The following ARAP3 variants were observed in gnomAD, a reference collection of about 807,000 sequenced individuals.
ARAP3 encodes ArfGAP with RhoGAP domain, ankyrin repeat and PH domain 3, also known as arf-GAP with Rho-GAP domain, ANK repeat and PH domain-containing protein 3.
ARAP3 carries 82 observed loss-of-function variants against 169.2 expected under a neutral mutation model. That is an observed-to-expected ratio of 0.48 (90% confidence interval 0.41 to 0.58). ARAP3 has a LOEUF of 0.58. Ranked by LOEUF, ARAP3 falls within the 20% of genes least tolerant of loss-of-function variation. The pLI is 0.00. For missense variants in ARAP3, 1,764 were observed against 2,018.0 expected, an observed-to-expected ratio of 0.87 and a Z score of 2.41; for synonymous variants, 791 against 800.3, an observed-to-expected ratio of 0.99 and a Z score of 0.20.
chr5:141,658,633 G>A lies in ARAP3; in HGVS notation c.3357C>T (p.Leu1119=). The change falls in exon 24 of 33, where the codon CTC becomes CTT. Residue 1119 remains leucine, a synonymous_variant. Transcript: ENST00000239440. ...KDVQLSQAGD[L]IMEVYIEQQL... is the part of the protein sequence containing the mutation. ...GCTGCTCTATATAAACTTCCATGAT[G>A]AGGTCTCCAGCCTGAGACAGCTGAG... 1 of 1,600,960 alleles carries A rather than the reference G, an allele frequency of 6.2e-7. No homozygotes were observed. The highest frequency in any genetic ancestry group is 1.8e-5 in the Admixed American group (1 of 55,166).
Position 141,662,221 on chromosome 5 carries a change from G to A in ARAP3, c.2835C>T (p.Gly945=), listed in dbSNP as rs1254382266. 5 of 1,614,156 alleles carry A rather than the reference G, an allele frequency of 3.1e-6. No homozygotes were observed. The highest frequency in any genetic ancestry group is 1.1e-5 in the South Asian group (1 of 91,078). ...LRLEGVYRKG[G]ARARSLRLLA... ...GGAGTCTCAGGCTGCGGGCACGAGC[G>A]CCCCCTTTCCGGTATACACCTTCCA... Residue 945 remains glycine, a synonymous_variant, in exon 20 of 33, where the codon GGC becomes GGT. Coordinates refer to ENST00000239440, the MANE Select transcript of ARAP3 (RefSeq NM_022481.6).
chr5:141,666,100 A>G (rs1421064328), intron 17 of ARAP3, among the ~76,000 whole-genome samples: 1 of 151,872 alleles, frequency 6.6e-6, no homozygotes, highest in Non-Finnish European at 1.5e-5. Flanking sequence ...CACTTAAAAA[A>G]TGCTTGTCAG....
intron 19 of ARAP3, 94 bp from the exon 20 acceptor site, chr5:141,662,349 G>T: frequency 8.3e-7 from 1 of 1,205,142 alleles, no homozygotes; most frequent in Non-Finnish European, 1.2e-6. Context: ...GTATGTGGCT[G>T]ATGGGGGCAT....
intron 21 of ARAP3, 96 bp downstream of exon 21, chr5:141,661,588 G>T: frequency 7.9e-7 from 1 of 1,271,352 alleles, no homozygotes; most frequent in Non-Finnish European, 1.1e-6. Context: ...ACTGTTTGTG[G>T]AATGAACAAA....
Position 141,672,033 on chromosome 5 carries a change from G to A in ARAP3, c.1586-53C>T. The A allele has an allele frequency of 6.2e-7, 1 of 1,613,942 alleles. No homozygotes were observed. The highest frequency in any genetic ancestry group is 8.5e-7 in the Non-Finnish European group (1 of 1,179,864). On this transcript the variant is annotated intron_variant, in intron 10 of 32. Coordinates refer to ENST00000239440, the MANE Select transcript of ARAP3 (RefSeq NM_022481.6). The surrounding 1 kb of genome is among the most constrained non-coding windows in gnomAD (Gnocchi z 4.9). ...TGTGTGAGGGTGTGAGGGGCATGTG[G>A]CACGGGTACCCTGAGCCCTCTAGTC...
intron 25 of ARAP3, 63 bp downstream of exon 25, chr5:141,658,302 T>C: frequency 6.5e-7 from 1 of 1,542,998 alleles, no homozygotes; most frequent in South Asian, 1.1e-5. Flanking sequence ...CTGATGACCT[T>C]GACCACACAA....
intron 6 of ARAP3, 29 bp downstream of exon 6, chr5:141,673,372 C>T (rs1414805914): frequency 6.2e-7 from 1 of 1,613,798 alleles, no homozygotes. Flanking sequence ...TCCCTCATCT[C>T]CATATCGTCA....
chr5:141,680,885 G>T, intron 1 of ARAP3: 1 of 211,068 alleles, frequency 4.7e-6, no homozygotes, highest in South Asian at 9.4e-5. Flanking sequence ...GTCAGAGTGG[G>T]ATAGGGAGAT....
chr5:141,670,055 G>A lies in ARAP3; in HGVS notation c.2116C>T (p.Arg706Cys), dbSNP rs1264379093. ...GCTGCTCCCAGCACACACCAAAGGC[G>A]CGGGGGAGCTAAGGCAGAGGGAGAT... ...PPRRGRDAPP[R>C]LWCVLGAALE... Residue 706 changes from arginine (R) to cysteine (C), a missense_variant, in exon 15 of 33, where the codon CGC (arginine) becomes TGC (cysteine). Transcript: ENST00000239440. 11 of 1,591,792 alleles carry A rather than the reference G, an allele frequency of 6.9e-6. No homozygotes were observed. The highest frequency in any genetic ancestry group is 4.1e-5 in the African/African-American group (3 of 73,208).
chr5:141,674,758 T>C (rs1427721717), intron 4 of ARAP3, among the ~76,000 whole-genome samples: 1 of 152,210 alleles, frequency 6.6e-6, no homozygotes, highest in Non-Finnish European at 1.5e-5. Flanking sequence ...CTAATCAATA[T>C]GTCTTGACTC....
At position 141,669,847 on chromosome 5, in the gene ARAP3, C is replaced by A. The variant is rs774861263; in HGVS notation, c.2250-36G>T. On this transcript the variant is annotated intron_variant, in intron 15 of 32. Transcript: ENST00000239440. ...GATGAGGTCAGGGAGGAGGATGGGA[C>A]CAATGAGAGGGCTGTCAGGCTGGAG... 1.9e-6 allele frequency: 3 copies of A among 1,612,388 alleles called. No homozygotes were observed. In the East Asian group the frequency reaches 6.7e-5, roughly 36 times the overall value.
chr5:141,679,839 A>G lies in ARAP3; in HGVS notation c.525-17T>C, dbSNP rs2099912736. The G allele has an allele frequency of 1.2e-6, 2 of 1,611,276 alleles. No individual in the cohort carries two copies. Among genetic ancestry groups the G allele is most frequent in the South Asian group, 2.2e-5 (2 of 90,954 alleles). On this transcript the variant is annotated splice_polypyrimidine_tract_variant and intron_variant, in intron 2 of 32. Transcript: ENST00000239440. ...TCTGGGGCCCTGAAGGGAAAGGTCT[A>G]TTGGTTACTTAAGGAGAGAGGAGGA...
Position 141,662,164 on chromosome 5 carries a change from CACCG to C in ARAP3, c.2888_2891del (p.Ser963Ter). ...CAAAGTGCTCCCCTGGTCGGAGCTTCACCGACCGGGCATCCCGACGGAACTCAGC... is the reference window on the plus strand; with the variant it reads ...CAAAGTGCTCCCCTGGTCGGAGCTTCACCGGGCATCCCGACGGAACTCAGC... On this transcript the variant is annotated frameshift_variant, in exon 20 of 33. Coordinates refer to ENST00000239440, the MANE Select transcript of ARAP3 (RefSeq NM_022481.6). LOFTEE classifies it high-confidence loss of function. 1.2e-6 allele frequency: 2 copies of C among 1,614,226 alleles called. No homozygotes were observed. Among genetic ancestry groups the C allele is most frequent in the Non-Finnish European group, 1.7e-6 (2 of 1,180,044 alleles).
Position 141,672,200 on chromosome 5 carries a change from C to T in ARAP3, c.1487G>A (p.Trp496Ter). 1 of 1,614,218 alleles carries T rather than the reference C, an allele frequency of 6.2e-7. No individual in the cohort carries two copies. Among genetic ancestry groups the T allele is most frequent in the African/African-American group, 1.3e-5 (1 of 75,060 alleles). ...LSDYEVAEKI[W>*]SNRANRQCAD... ...ACACTGCCGGTTGGCCCGATTAGACCAGATCTTCTCAGCCACCTCGTAGTC... is the reference window on the plus strand; with the variant it reads ...ACACTGCCGGTTGGCCCGATTAGACTAGATCTTCTCAGCCACCTCGTAGTC... Residue 496 changes from tryptophan (W) to a stop codon, truncating the protein, a stop_gained, in exon 10 of 33, where the codon TGG becomes TAG. Transcript: ENST00000239440. LOFTEE classifies it high-confidence loss of function. This position sits in a 1 kb window ranked among gnomAD's most constrained non-coding sequence, Gnocchi z 4.9.
chr5:141,672,013 G>C lies in ARAP3; in HGVS notation c.1586-33C>G. ...GGTGTGAGGGTGTGTGAGGGTGTGT[G>C]AGGGTGTGAGGGGCATGTGGCACGG... is the stretch of plus-strand genomic sequence containing the variant. On this transcript the variant is annotated intron_variant, in intron 10 of 32. Coordinates refer to ENST00000239440, the MANE Select transcript of ARAP3 (RefSeq NM_022481.6). The surrounding 1 kb of genome is among the most constrained non-coding windows in gnomAD (Gnocchi z 4.9). 1 of 1,614,114 alleles carries C rather than the reference G, an allele frequency of 6.2e-7. No individual in the cohort carries two copies. Among genetic ancestry groups the C allele is most frequent in the Non-Finnish European group, 8.5e-7 (1 of 1,179,968 alleles).
intron 1 of ARAP3, chr5:141,680,760 G>A: frequency 1.9e-6 from 1 of 539,438 alleles, no homozygotes; most frequent in Non-Finnish European, 3.1e-6. Context: ...CAGTAAGTCA[G>A]TGCTAGAGTT....
chr5:141,669,687 A>G (rs1321704261), intron 16 of ARAP3, 22 bp downstream of exon 16: 1 of 1,608,046 alleles, frequency 6.2e-7, no homozygotes, highest in Admixed American at 1.7e-5. Context: ...GAGATGCTGC[A>G]GAGGGCGCTC....
Position 141,658,682 on chromosome 5 carries a change from G to C in ARAP3, c.3337-29C>G. The C allele has an allele frequency of 1.9e-6, 3 of 1,555,266 alleles. No individual in the cohort carries two copies. The South Asian group carries it at 3.6e-5, about 19-fold the overall frequency. The stretch of plus-strand genomic sequence containing the variant: ...AGGGGAGGGGTAAAAAAGTCAGAAG[G>C]GCAAAAAAAGGGTGCAAAAGACATC... On this transcript the variant is annotated intron_variant, in intron 23 of 32. Coordinates refer to ENST00000239440, the MANE Select transcript of ARAP3 (RefSeq NM_022481.6).
intron 19 of ARAP3, among the ~76,000 whole-genome samples, chr5:141,663,148 G>C (rs1477471947): frequency 2.6e-5 from 4 of 152,082 alleles, no homozygotes; most frequent in African/African-American, 7.2e-5. Flanking sequence ...CTAAGAGATG[G>C]GTAATAAATA....
Sources: allele counts gnomAD v4.1 joint callset (sites outside exome capture counted in the v4.1 genomes callset), GRCh38; gene constraint gnomAD v4.1.1; non-coding constraint Gnocchi (gnomAD v3.1); transcripts MANE v1.5; gene names NCBI Gene and HGNC (gene_info 2026-07-23, HGNC 2026-07-21).